CNTLN: variants seen among roughly 807,000 people sequenced by gnomAD.
CNTLN encodes centlein.
Under a neutral mutation model 180.0 loss-of-function variants are expected in CNTLN, and 212 were observed. The ratio of observed to expected loss-of-function variants is 1.18; its 90% CI spans 1.05 to 1.32. The LOEUF (loss-of-function observed/expected upper bound fraction) is 1.32. Ranked by LOEUF, CNTLN falls within the 40% of genes most tolerant of loss-of-function variation. The pLI is 0.00. For missense variants in CNTLN, 2,095 were observed against 1,610.9 expected (o/e 1.30, Z -5.14); for synonymous variants, 722 against 563.1 (o/e 1.28, Z -3.99).
intron 15 of CNTLN, among the ~76,000 whole-genome samples, chr9:17,403,968 G>T (rs894598956): frequency 6.6e-6 from 1 of 151,600 alleles, no homozygotes; most frequent in Non-Finnish European, 1.5e-5. Context: ...TAGAGATGGG[G>T]TTTCACTATT....
rs528248591 is a variant in CNTLN at position 17,235,700 on chromosome 9, C to G, written c.577C>G (p.Arg193Gly). ...ACAGGAAATAAATGACCTTGTAAAA[C>G]GGAAAATTGCAGTAGATGAAGAAAA... The part of the protein sequence containing the change: ...LKQEINDLVK[R>G]KIAVDEENAF... Residue 193 changes from arginine to glycine, a missense_variant, in exon 4 of 26, where the codon CGG (arginine) becomes GGG (glycine). Coordinates refer to ENST00000380647, the MANE Select transcript of CNTLN (RefSeq NM_017738.4). The G allele has an allele frequency of 1.2e-5, 20 of 1,603,042 alleles. No homozygotes were observed. The East Asian group carries it at 4.5e-4, about 36-fold the overall frequency.
intron 15 of CNTLN, 108 bp downstream of exon 15, chr9:17,395,177 A>T (rs1441213793): frequency 1.4e-6 from 2 of 1,418,014 alleles, no homozygotes; most frequent in African/African-American, 1.4e-5. Flanking sequence ...TTCAGAAAAA[A>T]TACTGTCAGA....
the CNTLN span, among the ~76,000 whole-genome samples, chr9:17,516,874 T>C: frequency 6.6e-6 from 1 of 152,156 alleles, no homozygotes; most frequent in Non-Finnish European, 1.5e-5. Flanking sequence ...ATAGATGTAA[T>C]CCTAGTGCCT....
the CNTLN span, among the ~76,000 whole-genome samples, chr9:17,513,261 TAATGAA>T: frequency 6.6e-6 from 1 of 151,082 alleles, no homozygotes; most frequent in Non-Finnish European, 1.5e-5. Context: ...ATCTAGAAAA[TAATGAA>T]AATGAGAATA....
chr9:17,140,067 T>C (rs1817979218), intron 1 of CNTLN, among the ~76,000 whole-genome samples: 1 of 152,146 alleles, frequency 6.6e-6, no homozygotes, highest in South Asian at 2.1e-4. Flanking sequence ...AAAGAGAATA[T>C]GAGTGATTGA....
At chr9:17,220,044 T>G (rs558798694) in intron 2 of CNTLN, among the ~76,000 whole-genome samples, 1 of 152,226 alleles carries the variant, frequency 6.6e-6, no homozygotes, top group East Asian at 1.9e-4. Flanking sequence ...ACACAAACCT[T>G]CAGTCCATAG....
chr9:17,212,928 A>AT (rs1287232950), intron 2 of CNTLN, among the ~76,000 whole-genome samples: 1 of 151,954 alleles, frequency 6.6e-6, no homozygotes, highest in Non-Finnish European at 1.5e-5. Context: ...TATTGCGTCT[A>AT]TTTGATTCTT....
intron 2 of CNTLN, among the ~76,000 whole-genome samples, chr9:17,213,246 G>A (rs952228429): frequency 1.3e-5 from 2 of 152,134 alleles, no homozygotes; most frequent in Non-Finnish European, 2.9e-5. Context: ...AGAGATTCTG[G>A]TATGTTGTGT....
At chr9:17,517,016 A>G in the CNTLN span, among the ~76,000 whole-genome samples, 1 of 150,372 alleles carries the variant, frequency 6.7e-6, no homozygotes, top group African/African-American at 2.5e-5. Context: ...TTCCTAAAGT[A>G]ATGGGATCAA....
chr9:17,259,996 G>C (rs1162677652), intron 5 of CNTLN, among the ~76,000 whole-genome samples: 1 of 139,770 alleles, frequency 7.2e-6, no homozygotes, highest in Admixed American at 7.0e-5. Flanking sequence ...TCTGATGTTA[G>C]TTATTTCTTG....
chr9:17,366,925 A>G (rs1823869505), intron 13 of CNTLN, among the ~76,000 whole-genome samples: 1 of 152,188 alleles, frequency 6.6e-6, no homozygotes. Flanking sequence ...TAAAAAATCT[A>G]GGGGAGAACG....
chr9:17,237,065 C>A (rs1033654659), intron 5 of CNTLN, among the ~76,000 whole-genome samples: 7 of 151,460 alleles, frequency 4.6e-5, no homozygotes, highest in Non-Finnish European at 7.4e-5. Context: ...CTTTAAAGGG[C>A]CTTATTTATG....
At chr9:17,428,185 C>A (rs187102087) in intron 18 of CNTLN, among the ~76,000 whole-genome samples, 1 of 152,080 alleles carries the variant, frequency 6.6e-6, no homozygotes, top group Non-Finnish European at 1.5e-5. Context: ...GAGTCACTTT[C>A]AGGTTTATTA....
At chr9:17,481,296 A>G (rs142712126) in intron 23 of CNTLN, among the ~76,000 whole-genome samples, 7 of 152,302 alleles carry the variant, frequency 4.6e-5, no homozygotes, top group African/African-American at 1.7e-4. Context: ...TCAATTGATC[A>G]TGGAGTGCAG....
Position 17,419,786 on chromosome 9 carries a change from C to T in CNTLN, c.3114+3597C>T, listed in dbSNP as rs139992164. ...ATTTTTATTTAATCATTATCTACAG[C>T]CCCATCCTCTTCTACCTGTCTCTGG... On this transcript the variant is annotated intron_variant, in intron 18 of 25. Coordinates refer to ENST00000380647, the MANE Select transcript of CNTLN (RefSeq NM_017738.4). Among the ~76,000 whole-genome samples, 53 of 152,242 alleles carry T rather than the reference C, an allele frequency of 3.5e-4. 1 individual carries two copies. Among genetic ancestry groups the T allele is most frequent in the African/African-American group, 1.2e-3 (50 of 41,534 alleles).
chr9:17,217,876 A>T (rs1404144532), intron 2 of CNTLN, among the ~76,000 whole-genome samples: 3 of 152,184 alleles, frequency 2.0e-5, no homozygotes, highest in Non-Finnish European at 4.4e-5. Flanking sequence ...TTTGAGTTTC[A>T]GCTTTGTATA....
chr9:17,160,067 A>G (rs1819572201), intron 2 of CNTLN, among the ~76,000 whole-genome samples: 1 of 152,206 alleles, frequency 6.6e-6, no homozygotes, highest in Non-Finnish European at 1.5e-5. Flanking sequence ...CACTGACTTT[A>G]GAAGTTGTAC....
chr9:17,423,604 C>T (rs1347956032), intron 18 of CNTLN, among the ~76,000 whole-genome samples: 2 of 152,154 alleles, frequency 1.3e-5, no homozygotes, highest in African/African-American at 4.8e-5. Flanking sequence ...AAGCCCAGCA[C>T]AGCACCCAGA....
chr9:17,284,421 T>C (rs1006875438), intron 6 of CNTLN, among the ~76,000 whole-genome samples: 1 of 152,154 alleles, frequency 6.6e-6, no homozygotes, highest in Admixed American at 6.6e-5. Flanking sequence ...AGGGTATTTG[T>C]TACTGCCCCT....
Sources: allele counts gnomAD v4.1 joint callset (sites outside exome capture counted in the v4.1 genomes callset), GRCh38; gene constraint gnomAD v4.1.1; transcripts MANE v1.5; gene names NCBI Gene and HGNC (gene_info 2026-07-23, HGNC 2026-07-21).